Variants in RASEF observed in about 807,000 individuals in gnomAD.
RASEF encodes RAS and EF-hand domain containing.
In RASEF, 68 loss-of-function variants were observed where a neutral mutation model predicts 90.1. The ratio of observed to expected loss-of-function variants is 0.75; its 90% CI spans 0.62 to 0.92. The LOEUF is 0.92. Ranked by LOEUF, RASEF falls within the 40% of genes least tolerant of loss-of-function variation. The pLI is 0.00. For synonymous variants in RASEF, 331 were observed against 345.2 expected (o/e 0.96, Z 0.46); for missense variants, 949 against 937.2 (o/e 1.01, Z -0.16).
intron 1 of RASEF, among the ~76,000 whole-genome samples, chr9:83,036,594 G>A (rs1010911693): frequency 2.0e-5 from 3 of 152,112 alleles, no homozygotes; most frequent in South Asian, 2.1e-4. Flanking sequence ...CAACAACCTC[G>A]AAAGTAGATA....
intron 1 of RASEF, among the ~76,000 whole-genome samples, chr9:83,061,142 G>C (rs1387184404): frequency 1.3e-5 from 2 of 152,152 alleles, no homozygotes; most frequent in Non-Finnish European, 2.9e-5. Context: ...AAGAGTATAG[G>C]TTGTAGCAGT....
At chr9:83,159,185 C>CAAA in the RASEF span, among the ~76,000 whole-genome samples, 1 of 103,316 alleles carries the variant, frequency 9.7e-6, no homozygotes, top group African/African-American at 3.7e-5. Context: ...GACTCCGTCT[C>CAAA]AAAAAAAAAA....
rs183455582 is a variant in RASEF, at chr9:82,993,602, T to G, written c.1921-577A>C. On this transcript the variant is annotated intron_variant, in intron 14 of 16. Coordinates refer to ENST00000376447, the MANE Select transcript of RASEF (RefSeq NM_152573.4). ...AGTTTGGAAGTTCCACACTCACTGC[T>G]CTCTGGTTTACAACAAAAGCAAAAT... is the stretch of plus-strand genomic sequence containing the variant. Among the ~76,000 whole-genome samples the G allele has an allele frequency of 6.6e-5, 10 of 152,348 alleles. No homozygotes were observed. The East Asian group carries it at 1.9e-3, about 29-fold the overall frequency.
At chr9:83,188,668 C>A in the RASEF span, among the ~76,000 whole-genome samples, 2 of 152,188 alleles carry the variant, frequency 1.3e-5, no homozygotes, top group South Asian at 4.1e-4. Context: ...AACACACATA[C>A]CGGACAGAGA....
At chr9:83,014,712 G>C (rs1484486686) in intron 4 of RASEF, among the ~76,000 whole-genome samples, 1 of 152,134 alleles carries the variant, frequency 6.6e-6, no homozygotes, top group Non-Finnish European at 1.5e-5. Flanking sequence ...AGTGTGTCTA[G>C]TACAGTGCCG....
Position 83,030,297 on chromosome 9 carries a change from C to T in RASEF, c.432-4376G>A, listed in dbSNP as rs1440522724. Among the ~76,000 whole-genome samples the T allele has an allele frequency of 5.3e-5, 8 of 151,202 alleles. No individual in the cohort carries two copies. In the East Asian group the frequency reaches 5.9e-4, roughly 11 times the overall value. ...GCTTGAACCCAGGAGGCAGAGATTG[C>T]GGTGAGCCAAGATCATGTTACTGCA... On this transcript the variant is annotated intron_variant, in intron 1 of 16. Coordinates refer to ENST00000376447, the MANE Select transcript of RASEF (RefSeq NM_152573.4).
chr9:83,002,620 G>A (rs1041576556), intron 9 of RASEF, among the ~76,000 whole-genome samples: 8 of 151,308 alleles, frequency 5.3e-5, no homozygotes, highest in African/African-American at 1.7e-4. Flanking sequence ...CTGATTTTAG[G>A]TCCATCTATA....
At chr9:83,170,772 AG>A in the RASEF span, among the ~76,000 whole-genome samples, 17 of 152,056 alleles carry the variant, frequency 1.1e-4, no homozygotes, top group African/African-American at 3.8e-4. Flanking sequence ...TTAATTTTGT[AG>A]CCTCCAACTT....
At chr9:83,006,348 C>T (rs925134129) in intron 7 of RASEF, among the ~76,000 whole-genome samples, 2 of 152,232 alleles carry the variant, frequency 1.3e-5, no homozygotes, top group East Asian at 1.9e-4. Context: ...GATTTTTCAC[C>T]CACTTCCCAC....
the RASEF span, among the ~76,000 whole-genome samples, chr9:83,134,102 T>C: frequency 6.6e-6 from 1 of 152,142 alleles, no homozygotes; most frequent in Admixed American, 6.6e-5. Context: ...CAGATATCAA[T>C]ACTAACATAC....
At chr9:83,211,539 C>G in the RASEF span, among the ~76,000 whole-genome samples, 1 of 152,206 alleles carries the variant, frequency 6.6e-6, no homozygotes, top group South Asian at 2.1e-4. Context: ...TTCATCTAGG[C>G]TGGCCCCAAT....
intron 1 of RASEF, chr9:83,049,157 C>G (rs1179836594): frequency 4.0e-6 from 1 of 250,112 alleles, no homozygotes; most frequent in African/African-American, 2.3e-5. Context: ...CTGTGAATTC[C>G]AGAGTTGACT....
intron 9 of RASEF, among the ~76,000 whole-genome samples, chr9:83,003,225 C>CA (rs369071467): frequency 4.0e-5 from 6 of 150,398 alleles, no homozygotes; most frequent in Non-Finnish European, 8.8e-5. Flanking sequence ...ATCACCCCCC[C>CA]ACACACACCC....
At chr9:83,173,143 T>C in the RASEF span, among the ~76,000 whole-genome samples, 6 of 152,026 alleles carry the variant, frequency 3.9e-5, no homozygotes, top group Non-Finnish European at 7.4e-5. Context: ...ATATGTTATT[T>C]GCTTCTTTTC....
chr9:83,037,391 G>A (rs1346626580), intron 1 of RASEF, among the ~76,000 whole-genome samples: 1 of 151,852 alleles, frequency 6.6e-6, no homozygotes, highest in African/African-American at 2.4e-5. Flanking sequence ...TCAACGTTCA[G>A]GAAGTTCATT....
At chr9:83,089,925 GAT>G in the RASEF span, among the ~76,000 whole-genome samples, 2 of 151,776 alleles carry the variant, frequency 1.3e-5, no homozygotes, top group African/African-American at 4.9e-5. Context: ...TAGATAGATA[GAT>G]AGATAGATAG....
At chr9:82,992,557 T>C (rs541150202) in intron 15 of RASEF, among the ~76,000 whole-genome samples, 10 of 152,292 alleles carry the variant, frequency 6.6e-5, no homozygotes, top group Admixed American at 3.3e-4. Flanking sequence ...CTTTTCAAAA[T>C]AGGACACTAT....
intron 1 of RASEF, among the ~76,000 whole-genome samples, chr9:83,061,098 C>T (rs1271327301): frequency 6.6e-6 from 1 of 152,138 alleles, no homozygotes; most frequent in Non-Finnish European, 1.5e-5. Flanking sequence ...TAGCTGCACC[C>T]AAACTAAGTT....
At chr9:83,028,545 G>A (rs550570499) in intron 1 of RASEF, among the ~76,000 whole-genome samples, 31 of 152,326 alleles carry the variant, frequency 2.0e-4, no homozygotes, top group Middle Eastern at 3.4e-3. Context: ...AGCATTTTAA[G>A]ATGCTATGAG....
Sources: allele counts gnomAD v4.1 joint callset (sites outside exome capture counted in the v4.1 genomes callset), GRCh38; gene constraint gnomAD v4.1.1; transcripts MANE v1.5; gene names NCBI Gene and HGNC (gene_info 2026-07-23, HGNC 2026-07-21).